Variants in TMEM132C observed in about 807,000 individuals in gnomAD.
TMEM132C encodes transmembrane protein 132C.
Under a neutral mutation model 61.4 loss-of-function variants are expected in TMEM132C, and 29 were observed. That is an observed-to-expected ratio of 0.47 (90% CI 0.35 to 0.64). The LOEUF (loss-of-function observed/expected upper bound fraction) is 0.64. Among genes scored for constraint, TMEM132C ranks in the 30% least tolerant of loss-of-function variants. TMEM132C has a pLI of 0.00. For missense variants in TMEM132C, 1,408 were observed against 1,476.9 expected, an observed-to-expected ratio of 0.95 and a Z score of 0.76; for synonymous variants, 656 against 633.1, an observed-to-expected ratio of 1.04 and a Z score of -0.54.
chr12:128,415,384 C>T lies in TMEM132C; in HGVS notation c.738C>T (p.Phe246=). Residue 246 remains phenylalanine (F), a synonymous_variant, in exon 2 of 9, where the codon TTC becomes TTT. Coordinates refer to ENST00000435159, the MANE Select transcript of TMEM132C (RefSeq NM_001136103.3). This position sits in a 1 kb window ranked among gnomAD's most constrained non-coding sequence, Gnocchi z 5.8. ...NERGDCAGGD[F]RKGNAIRPGK... is the part of the protein sequence containing the mutation. ...GAGGGGACTGTGCCGGGGGTGACTT[C>T]AGGAAGGGCAACGCCATCCGTCCAG... The T allele has an allele frequency of 6.4e-7, 1 of 1,551,410 alleles. No individual in the cohort carries two copies. The highest frequency in any genetic ancestry group is 1.2e-5 in the South Asian group (1 of 83,980).
In TMEM132C at chr12:128,669,504, G is replaced by A. The variant is rs773936735; in HGVS notation, c.1393G>A (p.Val465Met). Residue 465 changes from valine to methionine, a missense_variant, in exon 5 of 9, where the codon GTG becomes ATG. By Grantham distance (21) the Val-to-Met change is conservative. Coordinates refer to ENST00000435159, the MANE Select transcript of TMEM132C (RefSeq NM_001136103.3). ...GGTCTCTGTGGAGGAGAACAGTGCC[G>A]TGATGGACATCTCAGAGTCGGTGGA... is the stretch of plus-strand genomic sequence containing the variant. Reference protein sequence around the residue: ...KVVSVEENSAVMDISESVECK... With the variant: ...KVVSVEENSAMMDISESVECK... The A allele has an allele frequency of 9.7e-6, 15 of 1,551,556 alleles. No individual in the cohort carries two copies. Among genetic ancestry groups the A allele is most frequent in the African/African-American group, 8.2e-5 (6 of 73,050 alleles).
At chr12:128,279,843 A>T (rs1331200947) in intron 1 of TMEM132C, among the ~76,000 whole-genome samples, 3 of 152,158 alleles carry the variant, frequency 2.0e-5, no homozygotes, top group Non-Finnish European at 1.5e-5. Flanking sequence ...TGACTTATTT[A>T]ACTGTCTTCC....
chr12:128,594,008 C>A (rs1278344165), intron 3 of TMEM132C, among the ~76,000 whole-genome samples: 1 of 151,938 alleles, frequency 6.6e-6, no homozygotes, highest in Non-Finnish European at 1.5e-5. Context: ...CAACATAAGA[C>A]CTGCTCTCAA....
intron 1 of TMEM132C, among the ~76,000 whole-genome samples, chr12:128,345,302 A>G (rs1201376993): frequency 2.6e-5 from 4 of 152,154 alleles, no homozygotes; most frequent in Non-Finnish European, 4.4e-5. Context: ...TATCCAGTCT[A>G]TCACTGATGG....
chr12:128,299,323 A>G (rs1871521300), intron 1 of TMEM132C, among the ~76,000 whole-genome samples: 1 of 152,148 alleles, frequency 6.6e-6, no homozygotes, highest in Non-Finnish European at 1.5e-5. Context: ...AACCACAAGA[A>G]ACACCTGATC....
chr12:128,658,622 G>A (rs1954354850), intron 4 of TMEM132C, among the ~76,000 whole-genome samples: 1 of 152,118 alleles, frequency 6.6e-6, no homozygotes, highest in Non-Finnish European at 1.5e-5. Context: ...TGCTATTCAA[G>A]TGTTTATAGT....
At chr12:128,614,328 C>G (rs938140750) in intron 3 of TMEM132C, among the ~76,000 whole-genome samples, 2 of 152,184 alleles carry the variant, frequency 1.3e-5, no homozygotes, top group African/African-American at 4.8e-5. Context: ...ACGAAAGCAA[C>G]CACAGGAAAA....
intron 5 of TMEM132C, among the ~76,000 whole-genome samples, chr12:128,681,381 T>G (rs1369541701): frequency 2.0e-5 from 3 of 152,116 alleles, no homozygotes; most frequent in Non-Finnish European, 4.4e-5. Context: ...GGTGAAGATA[T>G]CCAGTAAAAT....
At chr12:128,696,232 G>A (rs1954762762) in intron 7 of TMEM132C, 129 bp downstream of exon 7, 2 of 1,302,702 alleles carry the variant, frequency 1.5e-6, no homozygotes, top group South Asian at 3.0e-5. Flanking sequence ...ACAGGAAGAT[G>A]AGCCCAGGCC....
chr12:128,272,882 T>G (rs1259747850), intron 1 of TMEM132C, among the ~76,000 whole-genome samples: 2 of 152,176 alleles, frequency 1.3e-5, no homozygotes, highest in African/African-American at 4.8e-5. Context: ...TTTTTGAGAG[T>G]GCTTTATATA....
At chr12:128,459,164 A>G (rs1394924401) in intron 2 of TMEM132C, among the ~76,000 whole-genome samples, 1 of 152,188 alleles carries the variant, frequency 6.6e-6, no homozygotes, top group Non-Finnish European at 1.5e-5. Context: ...GGAATAGTGG[A>G]GGCGGAGGTA....
intron 1 of TMEM132C, among the ~76,000 whole-genome samples, chr12:128,383,000 G>A (rs1297894914): frequency 6.6e-6 from 1 of 152,042 alleles, no homozygotes; most frequent in Non-Finnish European, 1.5e-5. Flanking sequence ...GTATGTATCT[G>A]TGAGTGCGTC....
chr12:128,270,351 G>A (rs930589668), intron 1 of TMEM132C, among the ~76,000 whole-genome samples: 7 of 152,204 alleles, frequency 4.6e-5, no homozygotes, highest in African/African-American at 1.7e-4. Flanking sequence ...GGCACCCTTA[G>A]TCTGCGTCTG....
chr12:128,395,436 A>G lies in TMEM132C; in HGVS notation c.86-19296A>G, dbSNP rs141142838. On this transcript the variant is annotated intron_variant, in intron 1 of 8. Coordinates refer to ENST00000435159, the MANE Select transcript of TMEM132C (RefSeq NM_001136103.3). ...TTGGAGGTGGCAATGTGCCCAGTTA[A>G]AAACACAGATGCTTCTCTACTTATG... is the stretch of plus-strand genomic sequence containing the variant. Among the ~76,000 whole-genome samples the G allele has an allele frequency of 4.1e-3, 624 of 152,310 alleles. 3 individuals carry two copies. The highest frequency in any genetic ancestry group is 0.014 in the African/African-American group (602 of 41,552).
intron 1 of TMEM132C, among the ~76,000 whole-genome samples, chr12:128,357,149 A>C (rs1401878482): frequency 6.6e-6 from 1 of 152,146 alleles, no homozygotes; most frequent in Non-Finnish European, 1.5e-5. Context: ...AATATATTTA[A>C]ATGAAGAAGA....
intron 1 of TMEM132C, among the ~76,000 whole-genome samples, chr12:128,407,255 A>G (rs1402139898): frequency 6.6e-6 from 1 of 152,224 alleles, no homozygotes; most frequent in Non-Finnish European, 1.5e-5. Flanking sequence ...GCCTGCCACC[A>G]TGTAAGATGT....
chr12:128,415,768 C>A lies in TMEM132C; in HGVS notation c.974+148C>A. On this transcript the variant is annotated intron_variant, in intron 2 of 8. Coordinates refer to ENST00000435159, the MANE Select transcript of TMEM132C (RefSeq NM_001136103.3). This position sits in a 1 kb window ranked among gnomAD's most constrained non-coding sequence, Gnocchi z 5.8. Reference sequence around the variant, plus strand: ...TAACAGGGGAAGGCAAATTATGCACCTGCCCACATGCTCTCAACAGCCCTC... The same window carrying A: ...TAACAGGGGAAGGCAAATTATGCACATGCCCACATGCTCTCAACAGCCCTC... 2.2e-6 allele frequency: 2 copies of A among 900,862 alleles called. No homozygotes were observed. The highest frequency in any genetic ancestry group is 3.3e-6 in the Non-Finnish European group (2 of 614,190). 55.8% of individuals were successfully genotyped at this position (900,862 alleles called of 1,614,324 possible). A position where few individuals can be genotyped will look rare whatever the true frequency, so the allele number is the denominator to read the frequency against.
chr12:128,275,292 T>C lies in TMEM132C; in HGVS notation c.85+7805T>C, dbSNP rs185046595. On this transcript the variant is annotated intron_variant, in intron 1 of 8. Transcript: ENST00000435159. ...TTATAGCTGCTCCCCATCCCTCACA[T>C]TACTGCCTGAGCTCTGCCTCCTGTA... Among the ~76,000 whole-genome samples, 365 of 152,296 alleles carry C rather than the reference T, an allele frequency of 2.4e-3. 6 individuals are homozygous for C. Among genetic ancestry groups the C allele is most frequent in the Non-Finnish European group, 1.0e-3 (69 of 68,024 alleles).
At chr12:128,558,899 C>T (rs1248501358) in intron 3 of TMEM132C, among the ~76,000 whole-genome samples, 1 of 152,182 alleles carries the variant, frequency 6.6e-6, no homozygotes, top group African/African-American at 2.4e-5. Context: ...CCCCTTGTTC[C>T]TACTTTTGTT....
Sources: allele counts gnomAD v4.1 joint callset (sites outside exome capture counted in the v4.1 genomes callset), GRCh38; gene constraint gnomAD v4.1.1; non-coding constraint Gnocchi (gnomAD v3.1); transcripts MANE v1.5; gene names NCBI Gene and HGNC (gene_info 2026-07-23, HGNC 2026-07-21).